Variants in GLI2 observed in about 807,000 individuals in gnomAD.
GLI2 encodes the protein transcription activator GLI2.
Under a neutral mutation model 78.9 loss-of-function variants are expected in GLI2, and 22 were observed. The observed-to-expected ratio is 0.28, with a 90% confidence interval of 0.20 to 0.40. The LOEUF is 0.40. Ranked by LOEUF, GLI2 falls within the 10% of genes least tolerant of loss-of-function variation. The pLI, the probability that GLI2 is intolerant of heterozygous loss-of-function variation, is 1.00. For synonymous variants in GLI2, 974 were observed against 963.7 expected (o/e 1.01, Z -0.20); for missense variants, 2,097 against 2,213.2 (o/e 0.95, Z 1.05).
In GLI2 at chr2:120,737,738, G is replaced by C. The variant is rs530019482; in HGVS notation, c.-31+1453G>C. Among the ~76,000 whole-genome samples the C allele has an allele frequency of 6.6e-6, 1 of 152,386 alleles. No homozygotes were observed. The highest frequency in any genetic ancestry group is 1.9e-4 in the East Asian group (1 of 5,190). On this transcript the variant is annotated intron_variant, in intron 1 of 13. Coordinates refer to ENST00000361492, the MANE Select transcript of GLI2 (RefSeq NM_001374353.1). The surrounding 1 kb of genome is among the most constrained non-coding windows in gnomAD (Gnocchi z 4.3). ...ATAGGCTGTTTGCAGACGAGGCTCT[G>C]GGGGATGTAGGAGAATTTGAAAGTA...
chr2:120,992,050 A>ACACACACACCCCCC lies in GLI2; in HGVS notation c.*1376_*1377insACACACACCCCCCC, dbSNP rs1553480327. The ACACACACACCCCCC allele has an allele frequency of 6.8e-6, 1 of 146,900 alleles. No individual in the cohort carries two copies. Among genetic ancestry groups the ACACACACACCCCCC allele is most frequent in the Non-Finnish European group, 1.5e-5 (1 of 67,406 alleles). 9.1% of individuals were successfully genotyped at this position (146,900 alleles called of 1,614,324 possible). A position where few individuals can be genotyped will look rare whatever the true frequency, so the allele number is the denominator to read the frequency against. On this transcript the variant is annotated 3_prime_UTR_variant, in exon 14 of 14. Transcript: ENST00000361492. Reference sequence around the variant, plus strand: ...CACACACACACACACACACACACACACCCCAAACCTTTTCATGGGGAATGT... The same window carrying ACACACACACCCCCC: ...CACACACACACACACACACACACACACACACACACCCCCCCCCCAAACCTTTTCATGGGGAATGT...
intron 3 of GLI2, among the ~76,000 whole-genome samples, chr2:120,944,326 C>G (rs1400310377): frequency 6.6e-6 from 1 of 152,210 alleles, no homozygotes; most frequent in African/African-American, 2.4e-5. Flanking sequence ...TGAGCACCTA[C>G]TAAGTGCCTG....
intron 8 of GLI2, among the ~76,000 whole-genome samples, chr2:120,973,518 T>G (rs1212326269): frequency 1.3e-5 from 2 of 152,138 alleles, no homozygotes; most frequent in Non-Finnish European, 2.9e-5. Context: ...CCCGATTCAC[T>G]GACCAAGGAC....
At chr2:120,886,199 TGTGTGTGTGTGC>T (rs1291339484) in intron 2 of GLI2, among the ~76,000 whole-genome samples, 1,368 of 36,050 alleles carry the variant, frequency 0.038, 49 homozygotes, top group African/African-American at 0.24. Flanking sequence ...TGTGTGTGTG[TGTGTGTGTGTGC>T]GTGTATATTT....
intron 2 of GLI2, among the ~76,000 whole-genome samples, chr2:120,905,420 G>A (rs1189172276): frequency 6.6e-6 from 1 of 152,212 alleles, no homozygotes; most frequent in Non-Finnish European, 1.5e-5. Flanking sequence ...AGGGAGTGAG[G>A]TTATGGGTAT....
At chr2:120,846,670 C>T (rs1049721297) in intron 2 of GLI2, among the ~76,000 whole-genome samples, 1 of 152,234 alleles carries the variant, frequency 6.6e-6, no homozygotes, top group Non-Finnish European at 1.5e-5. Context: ...ATGAGTCTGG[C>T]TCTGGCAAAA....
chr2:120,812,470 C>T (rs1450308303), intron 2 of GLI2, among the ~76,000 whole-genome samples: 1 of 152,160 alleles, frequency 6.6e-6, no homozygotes, highest in African/African-American at 2.4e-5. Flanking sequence ...AGCTGAGACG[C>T]AGGCCGGATT....
At chr2:120,901,241 T>C (rs980273267) in intron 2 of GLI2, among the ~76,000 whole-genome samples, 5 of 152,182 alleles carry the variant, frequency 3.3e-5, no homozygotes, top group South Asian at 2.1e-4. Flanking sequence ...CAGACTGTTA[T>C]GGAAGCAGAG....
intron 2 of GLI2, among the ~76,000 whole-genome samples, chr2:120,814,831 A>G (rs944314943): frequency 8.6e-6 from 1 of 115,730 alleles, no homozygotes; most frequent in Non-Finnish European, 1.6e-5. Context: ...ATTGTCTTCC[A>G]TGAAACTGGT....
At chr2:120,939,110 C>T (rs553670660) in intron 3 of GLI2, among the ~76,000 whole-genome samples, 6 of 151,992 alleles carry the variant, frequency 3.9e-5, no homozygotes, top group East Asian at 1.9e-4. Context: ...GGCGAAACCC[C>T]GTCTCTACTA....
chr2:120,802,662 C>A (rs1684757225), intron 2 of GLI2, among the ~76,000 whole-genome samples: 1 of 152,194 alleles, frequency 6.6e-6, no homozygotes, highest in South Asian at 2.1e-4. Context: ...GACTACTATT[C>A]AGAGCCTCTG....
chr2:120,957,142 G>A (rs1573673264), intron 5 of GLI2, among the ~76,000 whole-genome samples: 1 of 152,324 alleles, frequency 6.6e-6, no homozygotes, highest in African/African-American at 2.4e-5. Flanking sequence ...CAACCTCCGA[G>A]GCTGGCCCCT....
At position 120,986,351 on chromosome 2, in the gene GLI2, A is replaced by C; in HGVS notation, c.1979A>C (p.Asn660Thr). The C allele has an allele frequency of 6.2e-7, 1 of 1,613,490 alleles. No individual in the cohort carries two copies. The highest frequency in any genetic ancestry group is 8.5e-7 in the Non-Finnish European group (1 of 1,179,878). Residue 660 changes from asparagine to threonine, a missense_variant, in exon 13 of 14, where the codon AAT becomes ACT. Asn to Thr is a moderately conservative substitution (Grantham distance 65, BLOSUM62 0). Around this residue, in one of 5 missense-constraint regions of GLI2, gnomAD observed 68 missense variants for 104.4 expected, o/e 0.65. Coordinates refer to ENST00000361492, the MANE Select transcript of GLI2 (RefSeq NM_001374353.1). ...EPSPLGSAPN[N>T]DSGVEMPGTG... ...TCTCCTCTGGGCAGTGCCCCCAACA[A>C]TGACAGTGGCGTGGAGATGCCGGGG... is the stretch of plus-strand genomic sequence containing the variant.
At chr2:120,748,670 T>G (rs1161806257) in intron 1 of GLI2, among the ~76,000 whole-genome samples, 1 of 152,210 alleles carries the variant, frequency 6.6e-6, no homozygotes, top group African/African-American at 2.4e-5. Flanking sequence ...ACATTTGGGA[T>G]CCTGATGTGC....
intron 2 of GLI2, among the ~76,000 whole-genome samples, chr2:120,913,720 A>G (rs1015488100): frequency 6.6e-6 from 1 of 152,248 alleles, no homozygotes; most frequent in Non-Finnish European, 1.5e-5. Context: ...GCAGAAAGAC[A>G]GTAAGTCCAG....
chr2:120,989,504 G>T lies in GLI2; in HGVS notation c.3539G>T (p.Gly1180Val). The change falls in exon 14 of 14, where the codon GGC (glycine) becomes GTC (valine). Residue 1180 changes from glycine to valine, a missense_variant. By Grantham distance (109) the Gly-to-Val change is moderately radical. Coordinates refer to ENST00000361492, the MANE Select transcript of GLI2 (RefSeq NM_001374353.1). ...CAAGGCCTACAGGCTAGCCCTGGGG[G>T]CCTGGACAGCACGCAGCCACACCTG... ...SPQGLQASPG[G>V]LDSTQPHLQP... 1.7e-5 allele frequency: 28 copies of T among 1,612,170 alleles called. No individual in the cohort carries two copies. The highest frequency in any genetic ancestry group is 2.4e-5 in the Non-Finnish European group (28 of 1,179,694).
At chr2:120,856,282 A>G (rs1240846811) in intron 2 of GLI2, among the ~76,000 whole-genome samples, 2 of 152,198 alleles carry the variant, frequency 1.3e-5, no homozygotes, top group Non-Finnish European at 2.9e-5. Context: ...CAGCTCAGGC[A>G]GGTTCTAATG....
chr2:120,765,900 T>C (rs1683352483), intron 1 of GLI2, among the ~76,000 whole-genome samples: 1 of 152,184 alleles, frequency 6.6e-6, no homozygotes, highest in Admixed American at 6.5e-5. Context: ...ATAGGAGATG[T>C]TGATGTGAAG....
intron 2 of GLI2, among the ~76,000 whole-genome samples, chr2:120,850,816 G>A (rs1398353550): frequency 1.3e-5 from 2 of 152,300 alleles, no homozygotes; most frequent in African/African-American, 2.4e-5. Context: ...GTGTGGTGGG[G>A]GAGGTCCAAG....
Sources: allele counts gnomAD v4.1 joint callset (sites outside exome capture counted in the v4.1 genomes callset), GRCh38; gene constraint gnomAD v4.1.1; regional missense constraint gnomAD v4.1.1; non-coding constraint Gnocchi (gnomAD v3.1); transcripts MANE v1.5; gene names NCBI Gene and HGNC (gene_info 2026-07-23, HGNC 2026-07-21).